Variants in INTS6 observed in about 807,000 individuals in gnomAD.
The protein encoded by INTS6 is integrator complex subunit 6, also known as DEAD box protein.
INTS6 carries 16 observed loss-of-function variants against 104.9 expected under a neutral mutation model. The ratio of observed to expected loss-of-function variants is 0.15; its 90% CI spans 0.10 to 0.23. The LOEUF (loss-of-function observed/expected upper bound fraction) is 0.23. INTS6 is among the 10% of genes least tolerant of loss of function. The probability of loss-of-function intolerance (pLI) is 1.00; values close to 1 mark genes in which losing one functional copy is unlikely to be tolerated. For synonymous variants in INTS6, 324 were observed against 358.7 expected, an observed-to-expected ratio of 0.90 and a Z score of 1.09; for missense variants, 584 against 1,062.8, an observed-to-expected ratio of 0.55 and a Z score of 6.26.
At chr13:51,335,064 G>A in the INTS6 span, among the ~76,000 whole-genome samples, 1 of 151,890 alleles carries the variant, frequency 6.6e-6, no homozygotes, top group Non-Finnish European at 1.5e-5. Flanking sequence ...ACAATGGAAT[G>A]GAGAAGAGAG....
At chr13:51,342,178 CAA>C in the INTS6 span, among the ~76,000 whole-genome samples, 12 of 63,570 alleles carry the variant, frequency 1.9e-4, no homozygotes, top group South Asian at 6.4e-4. Flanking sequence ...AAAGACAGAA[CAA>C]AAAAAAAAAA....
Position 51,430,313 on chromosome 13 carries a change from G to A in INTS6, c.410C>T (p.Thr137Ile), listed in dbSNP as rs1247454849. ...TITDGSKLTT[T>I]SGVQDELHLP... The stretch of plus-strand genomic sequence containing the variant: ...ACTTACCTCATCCTGGACTCCACTG[G>A]TGGTAGTCAACTTGCTCCCATCAGT... The change falls in exon 4 of 18, where the codon ACC becomes ATC. Residue 137 changes from threonine to isoleucine, a missense_variant. By Grantham distance (89) the Thr-to-Ile change is moderately conservative. Coordinates refer to ENST00000311234, the MANE Select transcript of INTS6 (RefSeq NM_012141.3). The A allele has an allele frequency of 6.2e-7, 1 of 1,612,894 alleles. No individual in the cohort carries two copies. Among genetic ancestry groups the A allele is most frequent in the Non-Finnish European group, 8.5e-7 (1 of 1,179,332 alleles).
chr13:51,374,947 G>A (rs1955888326), intron 13 of INTS6, 151 bp from the exon 14 acceptor site: 12 of 730,962 alleles, frequency 1.6e-5, no homozygotes, highest in South Asian at 2.8e-5. Flanking sequence ...TAACCACTGC[G>A]ACAAAATATT....
chr13:51,350,106 C>T (rs946046421), downstream of INTS6, among the ~76,000 whole-genome samples: 2 of 152,140 alleles, frequency 1.3e-5, no homozygotes, highest in Non-Finnish European at 2.9e-5. Flanking sequence ...ACTTGCTCTG[C>T]AGTCAGCAGG....
intron 5 of INTS6, among the ~76,000 whole-genome samples, chr13:51,393,408 G>T (rs1956280410): frequency 6.6e-6 from 1 of 152,142 alleles, no homozygotes; most frequent in South Asian, 2.1e-4. Context: ...CACAGGAATT[G>T]TTAGCAGTGA....
At chr13:51,359,073 AC>A (rs1488503704), downstream of INTS6, among the ~76,000 whole-genome samples, 1 of 151,998 alleles carries the variant, frequency 6.6e-6, no homozygotes, top group East Asian at 1.9e-4. Context: ...TAATCATGGA[AC>A]CCTTTTACAG....
At chr13:51,433,548 T>C (rs1192336988) in intron 3 of INTS6, among the ~76,000 whole-genome samples, 1 of 152,240 alleles carries the variant, frequency 6.6e-6, no homozygotes, top group Non-Finnish European at 1.5e-5. Flanking sequence ...AAGAGATTAA[T>C]CATACTTCTA....
chr13:51,446,157 C>T lies in INTS6; in HGVS notation c.339+4868G>A, dbSNP rs186891076. 6 of 152,128 alleles carry T rather than the reference C, an allele frequency of 3.9e-5. No individual in the cohort carries two copies. The East Asian group carries it at 1.2e-3, about 29-fold the overall frequency. The allele number at this position is 152,128 out of a possible 1,614,324, so 9.4% of individuals were successfully genotyped here. On this transcript the variant is annotated intron_variant, in intron 3 of 17. Transcript: ENST00000311234. ...ACTACATAATGGGAGAAAATATTTG[C>T]AAATCATTTATCTGATAAGGGATTA...
At chr13:51,444,081 TTTTTG>T (rs769721894) in intron 3 of INTS6, 47 of 152,434 alleles carry the variant, frequency 3.1e-4, no homozygotes, top group African/African-American at 7.7e-4. Flanking sequence ...TTTTTGTTTG[TTTTTG>T]TTTTGTTTTG....
chr13:51,430,527 AAAAG>A (rs1175470468), intron 3 of INTS6, 144 bp from the exon 4 acceptor site: 1 of 551,980 alleles, frequency 1.8e-6, no homozygotes, highest in Non-Finnish European at 3.1e-6. Flanking sequence ...ACATTTTAAG[AAAAG>A]ATATAGAACG....
At chr13:51,397,588 A>G (rs951704639) in intron 4 of INTS6, among the ~76,000 whole-genome samples, 4 of 152,186 alleles carry the variant, frequency 2.6e-5, no homozygotes. Flanking sequence ...AAGATAAATA[A>G]GCAAGCACTA....
chr13:51,373,161 T>C (rs1215106472), intron 15 of INTS6, among the ~76,000 whole-genome samples: 4 of 151,818 alleles, frequency 2.6e-5, no homozygotes, highest in African/African-American at 9.7e-5. Flanking sequence ...GTATTTCCTA[T>C]AAATTGGTTT....
At chr13:51,430,436 A>C in intron 3 of INTS6, 53 bp from the exon 4 acceptor site, 1 of 1,435,766 alleles carries the variant, frequency 7.0e-7, no homozygotes, top group Non-Finnish European at 9.6e-7. Context: ...TGGCTTACAA[A>C]GTAAAAAGTC....
Position 51,394,486 on chromosome 13 carries a change from C to T in INTS6, c.613+814G>A, listed in dbSNP as rs1212749892. 2.0e-5 allele frequency among the ~76,000 whole-genome samples: 3 copies of T among 152,118 alleles called. 1 individual carries two copies. Among genetic ancestry groups the T allele is most frequent in the African/African-American group, 7.2e-5 (3 of 41,428 alleles). On this transcript the variant is annotated intron_variant, in intron 5 of 17. Transcript: ENST00000311234. ...GGCTATGACGAATCTCATTAGCGCA[C>T]CAACTGTGTCTGCAGATTATGTCAC... is the stretch of plus-strand genomic sequence containing the variant.
rs947266547 is a variant in INTS6, at chr13:51,450,254, G to A, written c.339+771C>T. 1.0e-5 allele frequency: 10 copies of A among 984,070 alleles called. No individual in the cohort carries two copies. In the African/African-American group the frequency reaches 1.2e-4, roughly 12 times the overall value. 61.0% of individuals were successfully genotyped at this position (984,070 alleles called of 1,614,324 possible). A position where few individuals can be genotyped will look rare whatever the true frequency, so the allele number is the denominator to read the frequency against. On this transcript the variant is annotated intron_variant, in intron 3 of 17. Coordinates refer to ENST00000311234, the MANE Select transcript of INTS6 (RefSeq NM_012141.3). ...TTGTTCAGTATCTTTTATTTCCAGG[G>A]CAATAATATCATAAAATGTTACAAT...
At chr13:51,449,419 T>C (rs112225458) in intron 3 of INTS6, 27 of 960,532 alleles carry the variant, frequency 2.8e-5, no homozygotes, top group African/African-American at 1.8e-4. Flanking sequence ...AAAAGGAAAA[T>C]ACAGGTTTAA....
intron 4 of INTS6, among the ~76,000 whole-genome samples, chr13:51,411,928 G>C (rs961611123): frequency 1.3e-5 from 2 of 152,156 alleles, no homozygotes; most frequent in Non-Finnish European, 2.9e-5. Flanking sequence ...TCTGGTGAAT[G>C]GATAAGCAAA....
intron 15 of INTS6, among the ~76,000 whole-genome samples, chr13:51,373,264 T>C (rs1377355431): frequency 6.6e-6 from 1 of 151,914 alleles, no homozygotes; most frequent in African/African-American, 2.4e-5. Flanking sequence ...TCAGGAGTCA[T>C]ATAATATTTT....
chr13:51,434,771 CATA>C (rs1478274985), intron 3 of INTS6, among the ~76,000 whole-genome samples: 2 of 151,870 alleles, frequency 1.3e-5, no homozygotes, highest in African/African-American at 2.4e-5. Flanking sequence ...TTTGTTGCTG[CATA>C]ATGTCATCTT....
Sources: gnomAD v4.1 joint callset for allele counts (sites outside exome capture counted in the v4.1 genomes callset) on GRCh38, gnomAD v4.1.1 for gene constraint, MANE v1.5 for transcripts, NCBI Gene and HGNC (gene_info 2026-07-23, HGNC 2026-07-21) for gene names.